CACFD1: variants seen among roughly 807,000 people sequenced by gnomAD.
CACFD1 encodes calcium channel flower homolog.
CACFD1 carries 26 observed loss-of-function variants against 21.3 expected under a neutral mutation model. The observed-to-expected ratio is 1.22, with a 90% CI of 0.89 to 1.69. The LOEUF is 1.69. Ranked by LOEUF, CACFD1 falls within the 40% of genes most tolerant of loss-of-function variation. The pLI is 0.00. For synonymous variants in CACFD1, 121 were observed against 106.6 expected, an observed-to-expected ratio of 1.13 and a Z score of -0.83; for missense variants, 265 against 236.2, an observed-to-expected ratio of 1.12 and a Z score of -0.80.
rs36075119 is a variant in CACFD1, at chr9:133,470,189, CTGTGTGTGTGTGTGTGTGTGTG to C, written c.*1552_*1573del. On this transcript the variant is annotated 3_prime_UTR_variant, in exon 5 of 5. Coordinates refer to ENST00000316948, the MANE Select transcript of CACFD1 (RefSeq NM_017586.5). ...TCAGGCCAGTGCTGGGTTCAAAGGG[CTGTGTGTGTGTGTGTGTGTGTG>C]TGTGTGTGTGTGTGTATGTATATGT... 2.0e-5 allele frequency: 3 copies of C among 149,754 alleles called. No homozygotes were observed. Among genetic ancestry groups the C allele is most frequent in the African/African-American group, 2.5e-5 (1 of 40,672 alleles). 9.3% of individuals were successfully genotyped at this position (149,754 alleles called of 1,614,324 possible).
chr9:133,462,363 C>T (rs1431296977), intron 1 of CACFD1: 9 of 1,160,148 alleles, frequency 7.8e-6, no homozygotes, highest in Non-Finnish European at 1.0e-5. Context: ...AGGAGCAGTG[C>T]AACGCTTGAG....
At chr9:133,460,215 G>C (rs1554798030) in intron 1 of CACFD1, 28 bp downstream of exon 1, 1 of 1,504,678 alleles carries the variant, frequency 6.6e-7, no homozygotes, top group Non-Finnish European at 8.9e-7. Flanking sequence ...GAGAGGGGCC[G>C]GCCCCGCCGC....
At position 133,470,575 on chromosome 9, in the gene CACFD1, C is replaced by T. The variant is rs1387713284; in HGVS notation, c.*1922C>T. 6.6e-6 allele frequency: 1 copy of T among 152,396 alleles called. No homozygotes were observed. The highest frequency in any genetic ancestry group is 1.5e-5 in the Non-Finnish European group (1 of 68,164). 9.4% of individuals were successfully genotyped at this position (152,396 alleles called of 1,614,324 possible). A position where few individuals can be genotyped will look rare whatever the true frequency, so the allele number is the denominator to read the frequency against. On this transcript the variant is annotated 3_prime_UTR_variant, in exon 5 of 5. Coordinates refer to ENST00000316948, the MANE Select transcript of CACFD1 (RefSeq NM_017586.5). ...CCCAGCAAGTCTGCAGCTGTGCAGT[C>T]CTGGGGTCCCTGACCCTGTCGCCCA...
chr9:133,465,681 G>C lies in CACFD1; in HGVS notation c.320+234G>C, dbSNP rs1195446211. The C allele has an allele frequency of 5.6e-6, 3 of 533,662 alleles. No individual in the cohort carries two copies. The highest frequency in any genetic ancestry group is 1.0e-5 in the Non-Finnish European group (3 of 300,056). The allele number at this position is 533,662 out of a possible 1,614,324, so 33.1% of individuals were successfully genotyped here. ...GCCGTAGTCACTGGAAGGTTCAGAG[G>C]TATATGAGCATGTGTGGCAGCATCC... On this transcript the variant is annotated intron_variant, in intron 3 of 4. Coordinates refer to ENST00000316948, the MANE Select transcript of CACFD1 (RefSeq NM_017586.5). The surrounding 1 kb of genome is among the most constrained non-coding windows in gnomAD (Gnocchi z 5.0).
At chr9:133,466,756 C>T (rs980085666) in intron 3 of CACFD1, among the ~76,000 whole-genome samples, 7 of 151,770 alleles carry the variant, frequency 4.6e-5, no homozygotes, top group Non-Finnish European at 2.9e-5. Context: ...CCCAGGGCTG[C>T]ACACCACTTC....
At chr9:133,464,644 T>C (rs1843359506) in intron 2 of CACFD1, among the ~76,000 whole-genome samples, 1 of 152,182 alleles carries the variant, frequency 6.6e-6, no homozygotes, top group Non-Finnish European at 1.5e-5. Context: ...TTGTTATCCA[T>C]GCATAGAGAA....
intron 2 of CACFD1, 66 bp downstream of exon 2, chr9:133,463,621 G>C (rs371634024): frequency 3.6e-5 from 55 of 1,541,356 alleles, no homozygotes; most frequent in Non-Finnish European, 4.7e-5. Flanking sequence ...GGCACCTCCC[G>C]GGACAGAGGA....
In CACFD1 at chr9:133,465,516, A is replaced by C; in HGVS notation, c.320+69A>C. On this transcript the variant is annotated intron_variant, in intron 3 of 4. Coordinates refer to ENST00000316948, the MANE Select transcript of CACFD1 (RefSeq NM_017586.5). This position sits in a 1 kb window ranked among gnomAD's most constrained non-coding sequence, Gnocchi z 5.0. The stretch of plus-strand genomic sequence containing the variant: ...ACCCCACTGACAAAATAGGACCCAA[A>C]AGTCAGGTGAGGGTGGGCAGTGTAT... 2 of 1,477,736 alleles carry C rather than the reference A, an allele frequency of 1.4e-6. No individual in the cohort carries two copies. The highest frequency in any genetic ancestry group is 1.8e-6 in the Non-Finnish European group (2 of 1,082,800). The allele number at this position is 1,477,736 out of a possible 1,614,324, so 91.5% of individuals were successfully genotyped here. A position where few individuals can be genotyped will look rare whatever the true frequency, so the allele number is the denominator to read the frequency against.
chr9:133,468,855 TG>T lies in CACFD1; in HGVS notation c.*203del. ...GTGTGAGGGTCTGGGCTGCTGGACT[TG>T]AGGCAGAGCCTGCAGCAGCTGTGTG... On this transcript the variant is annotated 3_prime_UTR_variant, in exon 5 of 5. Coordinates refer to ENST00000316948, the MANE Select transcript of CACFD1 (RefSeq NM_017586.5). 2 of 860,382 alleles carry T rather than the reference TG, an allele frequency of 2.3e-6. No homozygotes were observed. The highest frequency in any genetic ancestry group is 3.9e-5 in the South Asian group (2 of 51,912). 53.3% of individuals were successfully genotyped at this position (860,382 alleles called of 1,614,324 possible). A position where few individuals can be genotyped will look rare whatever the true frequency, so the allele number is the denominator to read the frequency against.
intron 3 of CACFD1, among the ~76,000 whole-genome samples, chr9:133,466,629 A>G (rs987846484): frequency 3.9e-5 from 6 of 152,190 alleles, no homozygotes; most frequent in Admixed American, 6.5e-5. Flanking sequence ...CTTAATATCT[A>G]TTTTCAGGTG....
chr9:133,460,083 G>A lies in CACFD1; in HGVS notation c.17G>A (p.Gly6Glu). The change falls in exon 1 of 5, where the codon GGG (glycine) becomes GAG (glutamate). Residue 6 changes from glycine (G) to glutamate (E), a missense_variant. By Grantham distance (98) the Gly-to-Glu change is moderately conservative. Coordinates refer to ENST00000316948, the MANE Select transcript of CACFD1 (RefSeq NM_017586.5). ...GGTGGCACCATGAGCAGCTCAGGTG[G>A]GGCGCCCGGGGCGTCCGCCAGCTCT... MSSSGGAPGASASSAP... is the reference protein window; with the variant it reads MSSSGEAPGASASSAP... 2 of 1,562,548 alleles carry A rather than the reference G, an allele frequency of 1.3e-6. No homozygotes were observed. Among genetic ancestry groups the A allele is most frequent in the Non-Finnish European group, 1.7e-6 (2 of 1,153,584 alleles).
chr9:133,468,884 C>T lies in CACFD1; in HGVS notation c.*231C>T, dbSNP rs1554800301. The T allele has an allele frequency of 1.5e-6, 1 of 652,364 alleles. No homozygotes were observed. The highest frequency in any genetic ancestry group is 1.8e-5 in the African/African-American group (1 of 54,472). 40.4% of individuals were successfully genotyped at this position (652,364 alleles called of 1,614,324 possible). A position where few individuals can be genotyped will look rare whatever the true frequency, so the allele number is the denominator to read the frequency against. On this transcript the variant is annotated 3_prime_UTR_variant, in exon 5 of 5. Coordinates refer to ENST00000316948, the MANE Select transcript of CACFD1 (RefSeq NM_017586.5). ...GCAGAGCCTGCAGCAGCTGTGTGGACACTACCCAGCCCTACTCCTCTGCTG... is the reference window on the plus strand; with the variant it reads ...GCAGAGCCTGCAGCAGCTGTGTGGATACTACCCAGCCCTACTCCTCTGCTG...
At position 133,459,996 on chromosome 9, in the gene CACFD1, C is replaced by T; in HGVS notation, c.-71C>T. 4.1e-6 allele frequency: 6 copies of T among 1,451,502 alleles called. No individual in the cohort carries two copies. Among genetic ancestry groups the T allele is most frequent in the South Asian group, 1.4e-5 (1 of 73,038 alleles). 89.9% of individuals were successfully genotyped at this position (1,451,502 alleles called of 1,614,324 possible). Reference sequence around the variant, plus strand: ...ATATGCTCCCTCTCCCACAAGGCAGCGCGCCGGCTCGGACGCGGCCGGCTA... The same window carrying T: ...ATATGCTCCCTCTCCCACAAGGCAGTGCGCCGGCTCGGACGCGGCCGGCTA... On this transcript the variant is annotated 5_prime_UTR_variant, in exon 1 of 5. Transcript: ENST00000316948.
At chr9:133,463,598 C>G (rs200413455) in intron 2 of CACFD1, 43 bp downstream of exon 2, 1 of 1,603,956 alleles carries the variant, frequency 6.2e-7, no homozygotes, top group Non-Finnish European at 8.5e-7. Flanking sequence ...TCTTGCTGGT[C>G]GGGAATCTGC....
rs1238438015 is a variant in CACFD1 at position 133,465,262 on chromosome 9, GC to G, written c.195-58del. 2 of 1,600,564 alleles carry G rather than the reference GC, an allele frequency of 1.2e-6. No homozygotes were observed. Among genetic ancestry groups the G allele is most frequent in the African/African-American group, 1.3e-5 (1 of 74,674 alleles). On this transcript the variant is annotated intron_variant, in intron 2 of 4. Coordinates refer to ENST00000316948, the MANE Select transcript of CACFD1 (RefSeq NM_017586.5). This position sits in a 1 kb window ranked among gnomAD's most constrained non-coding sequence, Gnocchi z 5.0. ...ATTCCTTATGGCACTGGCACTGGGG[GC>G]CGCCCTCATCCTCCTGGGATTGTCA...
Position 133,468,551 on chromosome 9 carries a change from C to T in CACFD1, c.429-12C>T, listed in dbSNP as rs1843541951. 4 of 1,569,354 alleles carry T rather than the reference C, an allele frequency of 2.5e-6. No individual in the cohort carries two copies. The highest frequency in any genetic ancestry group is 3.5e-6 in the Non-Finnish European group (4 of 1,159,142). On this transcript the variant is annotated splice_polypyrimidine_tract_variant and intron_variant, in intron 4 of 4. Coordinates refer to ENST00000316948, the MANE Select transcript of CACFD1 (RefSeq NM_017586.5). ...TGGTGCTCCACGTGACGCTGCCTCT[C>T]TCTCTCCCCAGGGGCGATGCGATCT...
chr9:133,465,228 G>A lies in CACFD1; in HGVS notation c.195-94G>A. ...GGAGGGATGAGGGCAGGAGGGTGAG[G>A]GAGGTGGCATTCCTTATGGCACTGG... is the stretch of plus-strand genomic sequence containing the variant. On this transcript the variant is annotated intron_variant, in intron 2 of 4. Coordinates refer to ENST00000316948, the MANE Select transcript of CACFD1 (RefSeq NM_017586.5). The surrounding 1 kb of genome is among the most constrained non-coding windows in gnomAD (Gnocchi z 5.0). 2 of 1,425,998 alleles carry A rather than the reference G, an allele frequency of 1.4e-6. No homozygotes were observed. Among genetic ancestry groups the A allele is most frequent in the African/African-American group, 1.4e-5 (1 of 71,484 alleles). The allele number at this position is 1,425,998 out of a possible 1,614,324, so 88.3% of individuals were successfully genotyped here.
In CACFD1 at chr9:133,467,934, C is replaced by G; in HGVS notation, c.334C>G (p.Pro112Ala). 2 of 1,612,830 alleles carry G rather than the reference C, an allele frequency of 1.2e-6. No homozygotes were observed. The highest frequency in any genetic ancestry group is 2.2e-5 in the South Asian group (2 of 91,046). ...AVFYCGMAVV[P>A]IVISLTLTTL... The stretch of plus-strand genomic sequence containing the variant: ...CTTTCCCCCCAGGATGGCGGTCGTT[C>G]CCATCGTCATCAGCCTGACCCTGAC... The change falls in exon 4 of 5, where the codon CCC (proline) becomes GCC (alanine). Residue 112 changes from proline to alanine, a missense_variant. By Grantham distance (27) the Pro-to-Ala change is conservative. Coordinates refer to ENST00000316948, the MANE Select transcript of CACFD1 (RefSeq NM_017586.5).
chr9:133,462,072 T>C (rs1843240608), intron 1 of CACFD1: 24 of 1,300,206 alleles, frequency 1.8e-5, no homozygotes, highest in Non-Finnish European at 2.4e-5. Flanking sequence ...TCCAGCCCTT[T>C]ATTGCTAAAG....
Sources: gnomAD v4.1 joint callset for allele counts (sites outside exome capture counted in the v4.1 genomes callset) on GRCh38, gnomAD v4.1.1 for gene constraint, Gnocchi (gnomAD v3.1) non-coding constraint, MANE v1.5 for transcripts, NCBI Gene and HGNC (gene_info 2026-07-23, HGNC 2026-07-21) for gene names.